PARD3: variants seen among roughly 807,000 people sequenced by gnomAD.
PARD3 encodes the protein partitioning defective 3 homolog.
In PARD3, 75 loss-of-function variants were observed where a neutral mutation model predicts 155.4. That is an observed-to-expected ratio of 0.48 (90% CI 0.40 to 0.58). PARD3 has a LOEUF of 0.58. PARD3 is among the 20% of genes least tolerant of loss of function. The pLI, the probability that PARD3 is intolerant of heterozygous loss-of-function variation, is 0.00. For synonymous variants in PARD3, 576 were observed against 610.5 expected, an observed-to-expected ratio of 0.94 and a Z score of 0.83; for missense variants, 1,642 against 1,721.7, an observed-to-expected ratio of 0.95 and a Z score of 0.82.
chr10:34,127,976 A>G (rs898271136), intron 23 of PARD3, among the ~76,000 whole-genome samples: 3 of 152,218 alleles, frequency 2.0e-5, no homozygotes, highest in Admixed American at 6.5e-5. Context: ...AATGTACTTG[A>G]TCATCTAGGA....
intron 22 of PARD3, among the ~76,000 whole-genome samples, chr10:34,145,221 A>ATATATATATATATTTT (rs1491430560): frequency 2.9e-5 from 1 of 33,970 alleles, no homozygotes; most frequent in African/African-American, 1.4e-4. Flanking sequence ...ATATATATAT[A>ATATATATATATATTTT]TTTTTTTTTT....
At chr10:34,336,266 T>C (rs745830680) in intron 17 of PARD3, 23 bp from the exon 18 acceptor site, 12 of 1,597,912 alleles carry the variant, frequency 7.5e-6, no homozygotes, top group Admixed American at 1.7e-5. Context: ...AAATGTATAA[T>C]AGTTAGCCCA....
At chr10:34,318,312 G>T (rs1290145989) in intron 19 of PARD3, among the ~76,000 whole-genome samples, 1 of 152,088 alleles carries the variant, frequency 6.6e-6, no homozygotes, top group East Asian at 1.9e-4. Flanking sequence ...GTCACCTAAG[G>T]TTCTCCTCCA....
At chr10:34,768,383 AGC>A (rs1413313115) in intron 1 of PARD3, among the ~76,000 whole-genome samples, 235 of 152,144 alleles carry the variant, frequency 1.5e-3, no homozygotes, top group African/African-American at 4.8e-3. Context: ...GACAACTCGA[AGC>A]AAAGGCGGGA....
At position 34,516,853 on chromosome 10, in the gene PARD3, G is replaced by T. The variant is rs78392764; in HGVS notation, c.403+126C>A. The T allele has an allele frequency of 6.3e-4, 544 of 857,032 alleles. 3 individuals are homozygous for T. The African/African-American group carries it at 7.8e-3, about 12-fold the overall frequency. 53.1% of individuals were successfully genotyped at this position (857,032 alleles called of 1,614,324 possible). ...TCTCTTGCAAAGAACATTTGCCTGG[G>T]TCCTAAACTTAATTTTTGAATAAAA... On this transcript the variant is annotated intron_variant, in intron 3 of 24. Transcript: ENST00000374788.
chr10:34,531,944 C>A (rs1026893490), intron 2 of PARD3, among the ~76,000 whole-genome samples: 2 of 152,178 alleles, frequency 1.3e-5, no homozygotes, highest in African/African-American at 2.4e-5. Context: ...GAGCATCACA[C>A]TGCACTTTAA....
intron 2 of PARD3, among the ~76,000 whole-genome samples, chr10:34,666,778 A>C (rs2476996): frequency 0.045 from 708 of 15,736 alleles, 29 homozygotes; most frequent in Admixed American, 0.14. Flanking sequence ...CCCTCCCCCT[A>C]AAAAAAAAAA....
chr10:34,731,040 G>C (rs2094807829), intron 1 of PARD3, among the ~76,000 whole-genome samples: 1 of 152,044 alleles, frequency 6.6e-6, no homozygotes, highest in Admixed American at 6.6e-5. Flanking sequence ...TCTACGGGCA[G>C]GGTTTCCATA....
intron 24 of PARD3, among the ~76,000 whole-genome samples, chr10:34,114,198 G>A (rs1946545148): frequency 6.6e-6 from 1 of 152,078 alleles, no homozygotes; most frequent in Admixed American, 6.5e-5. Context: ...GGAGGTCGAG[G>A]CTGCAGTGAG....
At chr10:34,558,715 G>A (rs950627145) in intron 2 of PARD3, among the ~76,000 whole-genome samples, 3 of 152,184 alleles carry the variant, frequency 2.0e-5, no homozygotes, top group Non-Finnish European at 2.9e-5. Flanking sequence ...CAGATCACTT[G>A]AGGTCAGGAA....
At chr10:34,273,531 T>C (rs1442638343) in intron 21 of PARD3, among the ~76,000 whole-genome samples, 2 of 152,194 alleles carry the variant, frequency 1.3e-5, no homozygotes, top group African/African-American at 4.8e-5. Flanking sequence ...TTCTTTACTG[T>C]AGGAGTGGCT....
intron 14 of PARD3, among the ~76,000 whole-genome samples, chr10:34,355,819 C>G (rs1344771284): frequency 6.7e-6 from 1 of 148,234 alleles, no homozygotes; most frequent in African/African-American, 2.5e-5. Context: ...CAGCTACTCA[C>G]GAGGCTGAGG....
At chr10:34,657,821 G>A (rs2093217243) in intron 2 of PARD3, among the ~76,000 whole-genome samples, 2 of 151,312 alleles carry the variant, frequency 1.3e-5, no homozygotes, top group Admixed American at 6.6e-5. Flanking sequence ...TTACAGGCAC[G>A]AGCCACCACA....
chr10:34,726,764 A>C (rs1453811213), intron 1 of PARD3, among the ~76,000 whole-genome samples: 4 of 148,010 alleles, frequency 2.7e-5, no homozygotes, highest in Non-Finnish European at 6.0e-5. Flanking sequence ...CTCCATCTCC[A>C]AAAAAAAAAG....
intron 21 of PARD3, among the ~76,000 whole-genome samples, chr10:34,275,128 A>G (rs1955813984): frequency 6.6e-6 from 1 of 152,190 alleles, no homozygotes. Flanking sequence ...CCAGTCACTG[A>G]GCCTAATAAA....
chr10:34,505,152 A>T (rs2080978107), intron 3 of PARD3, among the ~76,000 whole-genome samples: 1 of 152,240 alleles, frequency 6.6e-6, no homozygotes. Flanking sequence ...CCATTTGGAA[A>T]TGGGATTTCT....
chr10:34,425,860 G>A (rs1410174035), intron 5 of PARD3, among the ~76,000 whole-genome samples: 4 of 152,142 alleles, frequency 2.6e-5, no homozygotes, highest in Non-Finnish European at 5.9e-5. Flanking sequence ...TTTGGGCAGA[G>A]TACCCAAATT....
intron 22 of PARD3, among the ~76,000 whole-genome samples, chr10:34,225,708 TTACCTC>T (rs1194546972): frequency 1.3e-5 from 2 of 152,188 alleles, no homozygotes; most frequent in Non-Finnish European, 2.9e-5. Context: ...CTTGAGTTTC[TTACCTC>T]ATCTCATATA....
intron 20 of PARD3, among the ~76,000 whole-genome samples, chr10:34,294,007 A>AACAC (rs1956791039): frequency 6.6e-6 from 1 of 152,232 alleles, no homozygotes; most frequent in South Asian, 2.1e-4. Flanking sequence ...AAGTCACAAA[A>AACAC]ACACATCCAT....
Sources: allele counts gnomAD v4.1 joint callset (sites outside exome capture counted in the v4.1 genomes callset), GRCh38; gene constraint gnomAD v4.1.1; transcripts MANE v1.5; gene names NCBI Gene and HGNC (gene_info 2026-07-23, HGNC 2026-07-21).